Variants in SOX6 observed in about 807,000 individuals in gnomAD.
SOX6 encodes the protein transcription factor SOX-6.
SOX6 carries 11 observed loss-of-function variants against 97.8 expected under a neutral mutation model. The ratio of observed to expected loss-of-function variants is 0.11; its 90% CI spans 0.07 to 0.19. SOX6 has a LOEUF of 0.19. SOX6 is among the 10% of genes least tolerant of loss of function. The probability of loss-of-function intolerance (pLI) is 1.00; values close to 1 mark genes in which losing one functional copy is unlikely to be tolerated. For missense variants in SOX6, 810 were observed against 1,039.5 expected (o/e 0.78, Z 3.04); for synonymous variants, 360 against 371.4 (o/e 0.97, Z 0.35).
chr11:16,044,016 G>T (rs1363427947), intron 12 of SOX6, among the ~76,000 whole-genome samples: 6 of 152,140 alleles, frequency 3.9e-5, no homozygotes, highest in Non-Finnish European at 4.4e-5. Flanking sequence ...CTGCACCAGA[G>T]TACAACCTCT....
chr11:16,732,352 GTAAC>G (rs1474605992), intron 2 of SOX6, among the ~76,000 whole-genome samples: 2 of 152,224 alleles, frequency 1.3e-5, no homozygotes, highest in African/African-American at 4.8e-5. Flanking sequence ...CAAGGCTACA[GTAAC>G]CAAAACAGCA....
intron 2 of SOX6, among the ~76,000 whole-genome samples, chr11:16,321,154 G>C (rs1855911551): frequency 6.6e-6 from 1 of 151,478 alleles, no homozygotes; most frequent in African/African-American, 2.4e-5. Context: ...TCTTAATAAA[G>C]TCCGTATTAG....
intron 13 of SOX6, among the ~76,000 whole-genome samples, chr11:15,991,284 A>G (rs1028069661): frequency 2.0e-5 from 3 of 152,160 alleles, no homozygotes; most frequent in Admixed American, 6.5e-5. Flanking sequence ...TTCACTTTAT[A>G]TGGGTTTGAC....
intron 1 of SOX6, among the ~76,000 whole-genome samples, chr11:16,443,143 G>A (rs1859537947): frequency 6.6e-6 from 1 of 152,048 alleles, no homozygotes; most frequent in South Asian, 2.1e-4. Flanking sequence ...CCTATAAAAG[G>A]TAGCTCAAGT....
intron 1 of SOX6, among the ~76,000 whole-genome samples, chr11:16,465,270 A>T (rs1860007994): frequency 6.6e-6 from 1 of 152,212 alleles, no homozygotes; most frequent in African/African-American, 2.4e-5. Flanking sequence ...CACAAAGTCA[A>T]CATAAACAGT....
At chr11:16,403,534 C>T (rs1281772868) in intron 1 of SOX6, among the ~76,000 whole-genome samples, 1 of 151,612 alleles carries the variant, frequency 6.6e-6, no homozygotes, top group African/African-American at 2.4e-5. Flanking sequence ...TGGATTTGTT[C>T]GTGACCCCTG....
intron 4 of SOX6, among the ~76,000 whole-genome samples, chr11:16,198,220 A>AT (rs376595511): frequency 2.3e-4 from 23 of 99,980 alleles, no homozygotes; most frequent in Middle Eastern, 6.4e-3. Flanking sequence ...CGCCCTGCTA[A>AT]TTTTTTTTTC....
At chr11:16,091,071 C>T (rs544677047) in intron 9 of SOX6, among the ~76,000 whole-genome samples, 1 of 152,100 alleles carries the variant, frequency 6.6e-6, no homozygotes, top group African/African-American at 2.4e-5. Context: ...AAACTCTAAT[C>T]CAAAGTTCTA....
chr11:16,224,301 T>G (rs930454964), intron 4 of SOX6, among the ~76,000 whole-genome samples: 10 of 152,232 alleles, frequency 6.6e-5, no homozygotes, highest in African/African-American at 2.2e-4. Context: ...ATTATATTTA[T>G]AATCAGAACC....
At chr11:16,703,856 C>G (rs890755936) in intron 3 of SOX6, among the ~76,000 whole-genome samples, 67 of 152,194 alleles carry the variant, frequency 4.4e-4, no homozygotes, top group African/African-American at 6.7e-4. Context: ...TCTCTCACCC[C>G]CAGGTACTCA....
intron 12 of SOX6, among the ~76,000 whole-genome samples, chr11:16,031,142 T>C (rs1042457799): frequency 6.6e-6 from 1 of 152,168 alleles, no homozygotes; most frequent in African/African-American, 2.4e-5. Flanking sequence ...ATGACACAGA[T>C]ACTCAGATGT....
chr11:16,482,245 T>C (rs1011230257), intron 4 of SOX6, among the ~76,000 whole-genome samples: 14 of 152,218 alleles, frequency 9.2e-5, no homozygotes, highest in African/African-American at 3.1e-4. Flanking sequence ...AATCTAAAAA[T>C]TGAATATCAA....
chr11:16,338,218 A>G (rs1410800137), intron 2 of SOX6, among the ~76,000 whole-genome samples: 1 of 152,088 alleles, frequency 6.6e-6, no homozygotes, highest in African/African-American at 2.4e-5. Context: ...CTCTAAGTAC[A>G]GAATATGATC....
chr11:16,019,566 A>T (rs575341681), intron 12 of SOX6, among the ~76,000 whole-genome samples: 98 of 152,280 alleles, frequency 6.4e-4, no homozygotes, highest in Non-Finnish European at 6.0e-4. Context: ...GTTATGAACT[A>T]ATTGCCAAAT....
At chr11:16,474,435 A>T (rs1171903370) in intron 1 of SOX6, among the ~76,000 whole-genome samples, 1 of 152,222 alleles carries the variant, frequency 6.6e-6, no homozygotes, top group Non-Finnish European at 1.5e-5. Context: ...ATAAGACTTG[A>T]AAGTTGAAAT....
chr11:16,634,796 T>TA (rs1353745719), intron 3 of SOX6, among the ~76,000 whole-genome samples: 1 of 151,014 alleles, frequency 6.6e-6, no homozygotes, highest in African/African-American at 2.4e-5. Flanking sequence ...GTAGTTCCCA[T>TA]AATCCCCATG....
intron 3 of SOX6, among the ~76,000 whole-genome samples, chr11:16,238,124 T>C (rs1471170529): frequency 6.6e-6 from 1 of 152,026 alleles, no homozygotes; most frequent in East Asian, 1.9e-4. Context: ...TTATCTTCTC[T>C]AATTTTTATA....
intron 9 of SOX6, among the ~76,000 whole-genome samples, chr11:16,071,916 A>C (rs924400473): frequency 6.6e-6 from 1 of 152,088 alleles, no homozygotes; most frequent in African/African-American, 2.4e-5. Flanking sequence ...AGATTAAAAA[A>C]AAAAAAAAGA....
At chr11:16,299,565 G>A (rs998174604) in intron 3 of SOX6, among the ~76,000 whole-genome samples, 1 of 151,900 alleles carries the variant, frequency 6.6e-6, no homozygotes, top group Non-Finnish European at 1.5e-5. Context: ...ATCACCACAC[G>A]CCTTTTCATT....
Sources: gnomAD v4.1 joint callset for allele counts (sites outside exome capture counted in the v4.1 genomes callset) on GRCh38, gnomAD v4.1.1 for gene constraint, MANE v1.5 for transcripts, NCBI Gene and HGNC (gene_info 2026-07-23, HGNC 2026-07-21) for gene names.